ZNF786: variants seen among roughly 807,000 people sequenced by gnomAD.
The protein encoded by ZNF786 is zinc finger protein 786.
ZNF786 carries 56 observed loss-of-function variants against 63.1 expected under a neutral mutation model. The observed-to-expected ratio is 0.89, with a 90% CI of 0.72 to 1.11. ZNF786 has a LOEUF of 1.11. ZNF786 is among the 50% of genes least tolerant of loss of function. ZNF786 has a pLI of 0.00. For synonymous variants in ZNF786, 485 were observed against 406.9 expected (o/e 1.19, Z -2.31); for missense variants, 1,213 against 1,041.8 (o/e 1.16, Z -2.26).
In ZNF786 at chr7:149,070,251, C is replaced by T. The variant is rs1460143040; in HGVS notation, c.*172G>A. ...AAAGAAAGAAATATAATTGGTGATG[C>T]TTCTGAAGAGAAAATCCTTTGTGGT... On this transcript the variant is annotated 3_prime_UTR_variant, in exon 4 of 4. Transcript: ENST00000491431. The T allele has an allele frequency of 2.3e-5, 18 of 795,312 alleles. No homozygotes were observed. The Admixed American group carries it at 3.5e-4, about 16-fold the overall frequency. The allele number at this position is 795,312 out of a possible 1,614,324, so 49.3% of individuals were successfully genotyped here. A position where few individuals can be genotyped will look rare whatever the true frequency, so the allele number is the denominator to read the frequency against.
At chr7:149,080,301 A>C (rs889941368) in intron 2 of ZNF786, among the ~76,000 whole-genome samples, 1 of 152,156 alleles carries the variant, frequency 6.6e-6, no homozygotes, top group Non-Finnish European at 1.5e-5. Flanking sequence ...GTGTGCTCCT[A>C]TGTGGACAAT....
chr7:149,077,123 T>C (rs1424446540), intron 2 of ZNF786, among the ~76,000 whole-genome samples: 1 of 152,238 alleles, frequency 6.6e-6, no homozygotes, highest in Non-Finnish European at 1.5e-5. Context: ...AGTCTTGCTA[T>C]CTGATAAGAC....
rs780418818 is a variant in ZNF786 at position 149,071,518 on chromosome 7, C to T, written c.1254G>A (p.Ala418=). ...LRRLLQVHQH[A]HGGERPFSCR... ...AGGAGAACGGTCTCTCCCCACCGTG[C>T]GCGTGCTGGTGGACCTGCAGCAGGC... The change falls in exon 4 of 4, where the codon GCG becomes GCA. Residue 418 remains alanine (A), a synonymous_variant. Coordinates refer to ENST00000491431, the MANE Select transcript of ZNF786 (RefSeq NM_152411.4). 7 of 1,613,302 alleles carry T rather than the reference C, an allele frequency of 4.3e-6. No individual in the cohort carries two copies. Among genetic ancestry groups the T allele is most frequent in the Middle Eastern group, 1.6e-4 (1 of 6,062 alleles).
Position 149,071,409 on chromosome 7 carries a change from A to G in ZNF786, c.1363T>C (p.Cys455Arg). The change falls in exon 4 of 4, where the codon TGT (cysteine) becomes CGT (arginine). Residue 455 changes from cysteine to arginine, a missense_variant. Coordinates refer to ENST00000491431, the MANE Select transcript of ZNF786 (RefSeq NM_152411.4). Reference sequence around the variant, plus strand: ...CGGAAGTTCCTGCCACACTTGGCACACCGGAAAGGCTTCTCTCCGCTGTGG... The same window carrying G: ...CGGAAGTTCCTGCCACACTTGGCACGCCGGAAAGGCTTCTCTCCGCTGTGG... ...RVHSGEKPFR[C>R]AKCGRNFRQR... The G allele has an allele frequency of 6.2e-7, 1 of 1,612,858 alleles. No homozygotes were observed. The highest frequency in any genetic ancestry group is 1.7e-4 in the Middle Eastern group (1 of 6,054).
intron 2 of ZNF786, 70 bp from the exon 3 acceptor site, chr7:149,074,608 C>T (rs1825509581): frequency 3.4e-6 from 5 of 1,454,330 alleles, no homozygotes; most frequent in African/African-American, 2.9e-5. Context: ...CTAAATTTCT[C>T]AACATTCACT....
In ZNF786 at chr7:149,070,289, TA is replaced by T. The variant is rs370517770; in HGVS notation, c.*133del. 40 of 1,137,444 alleles carry T rather than the reference TA, an allele frequency of 3.5e-5. No individual in the cohort carries two copies. In the African/African-American group the frequency reaches 5.1e-4, roughly 15 times the overall value. The allele number at this position is 1,137,444 out of a possible 1,614,324, so 70.5% of individuals were successfully genotyped here. On this transcript the variant is annotated 3_prime_UTR_variant, in exon 4 of 4. Coordinates refer to ENST00000491431, the MANE Select transcript of ZNF786 (RefSeq NM_152411.4). ...AATCCTTTGTGGTTCTTCATATTCCTAACTTGCATGACACTCTTGCTCAAAG... is the reference window on the plus strand; with the variant it reads ...AATCCTTTGTGGTTCTTCATATTCCTACTTGCATGACACTCTTGCTCAAAG...
rs1372515602 is a variant in ZNF786, at chr7:149,086,721, T to C, written c.18+3902A>G. Among the ~76,000 whole-genome samples, 3 of 151,716 alleles carry C rather than the reference T, an allele frequency of 2.0e-5. 1 individual carries two copies. The highest frequency in any genetic ancestry group is 4.4e-5 in the Non-Finnish European group (3 of 67,946). ...AAGAAGCAAGACAGAAGGGGGGATG[T>C]CAGGCTCTTTTTAACCAGCTCCCTC... On this transcript the variant is annotated intron_variant, in intron 1 of 3. Transcript: ENST00000491431.
Position 149,073,745 on chromosome 7 carries a change from G to GTGTGTA in ZNF786, c.298+640_298+641insTACACA, listed in dbSNP as rs1447122638. Among the ~76,000 whole-genome samples the GTGTGTA allele has an allele frequency of 3.0e-3, 204 of 67,692 alleles. 2 individuals are homozygous for GTGTGTA. The highest frequency in any genetic ancestry group is 9.7e-3 in the African/African-American group (157 of 16,178). The allele number at this position is 67,692 out of a possible 152,430, so 44.4% of individuals were successfully genotyped here. A position where few individuals can be genotyped will look rare whatever the true frequency, so the allele number is the denominator to read the frequency against. On this transcript the variant is annotated intron_variant, in intron 3 of 3. Coordinates refer to ENST00000491431, the MANE Select transcript of ZNF786 (RefSeq NM_152411.4). ...TGTGCGTGTGTGTGTGTGTGTGTGT[G>GTGTGTA]TGTATATATATATATATATATATAT...
At chr7:149,089,174 G>C (rs1259151106) in intron 1 of ZNF786, among the ~76,000 whole-genome samples, 1 of 151,956 alleles carries the variant, frequency 6.6e-6, no homozygotes, top group Admixed American at 6.6e-5. Flanking sequence ...GGATGGTCTC[G>C]ATCTCCTGAT....
rs116980768 is a variant in ZNF786, at chr7:149,069,962, C to T, written c.*461G>A. On this transcript the variant is annotated 3_prime_UTR_variant, in exon 4 of 4. Coordinates refer to ENST00000491431, the MANE Select transcript of ZNF786 (RefSeq NM_152411.4). ...ACAATTACTTTTTAAAATGTCAGAA[C>T]TTCCTTATAATTACACACATATATT... 9.3e-3 allele frequency: 1,431 copies of T among 154,610 alleles called. 11 individuals are homozygous for T. The highest frequency in any genetic ancestry group is 0.014 in the Non-Finnish European group (976 of 69,654). The allele number at this position is 154,610 out of a possible 1,614,324, so 9.6% of individuals were successfully genotyped here. A position where few individuals can be genotyped will look rare whatever the true frequency, so the allele number is the denominator to read the frequency against.
intron 3 of ZNF786, among the ~76,000 whole-genome samples, chr7:149,073,925 G>A (rs1261890587): frequency 6.6e-6 from 1 of 150,546 alleles, no homozygotes; most frequent in Non-Finnish European, 1.5e-5. Context: ...TGAGTAGCTG[G>A]GATTACAGGC....
chr7:149,072,622 A>C, intron 3 of ZNF786, 149 bp from the exon 4 acceptor site: 1 of 895,222 alleles, frequency 1.1e-6, no homozygotes, highest in African/African-American at 1.7e-5. Context: ...GATCTGTCTC[A>C]TGGCCGTGAG....
chr7:149,085,356 C>T (rs889111423), intron 1 of ZNF786, among the ~76,000 whole-genome samples: 2 of 149,038 alleles, frequency 1.3e-5, no homozygotes, highest in African/African-American at 5.2e-5. Flanking sequence ...AAGTTGGGAG[C>T]CCAGGAGTTT....
chr7:149,073,724 CGTGTGT>C (rs375323153), intron 3 of ZNF786, among the ~76,000 whole-genome samples: 216 of 67,880 alleles, frequency 3.2e-3, no homozygotes, highest in African/African-American at 8.8e-3. Flanking sequence ...TATATGTGTG[CGTGTGT>C]GTGTGTGTGT....
intron 1 of ZNF786, among the ~76,000 whole-genome samples, chr7:149,088,256 A>G (rs573020068): frequency 2.0e-4 from 31 of 151,568 alleles, no homozygotes; most frequent in Admixed American, 5.3e-4. Flanking sequence ...GCCCACCTGG[A>G]CCTCCCAAAG....
chr7:149,073,781 G>A (rs10273011), intron 3 of ZNF786, among the ~76,000 whole-genome samples: 9,774 of 78,248 alleles, frequency 0.12, 478 homozygotes, highest in East Asian at 0.18. Context: ...ATATATATAT[G>A]TATATATATA....
chr7:149,072,009 G>C lies in ZNF786; in HGVS notation c.763C>G (p.Leu255Val). The C allele has an allele frequency of 1.2e-6, 2 of 1,613,074 alleles. No individual in the cohort carries two copies. Among genetic ancestry groups the C allele is most frequent in the Non-Finnish European group, 1.7e-6 (2 of 1,179,852 alleles). ...GTGTGGGCCGCCAGATGGCGCAGCA[G>C]ACACAGCTTCCGGCGGAAGCTCTTA... ...CGKSFRRKLC[L>V]LRHLAAHTGR... is the part of the protein sequence containing the mutation. The change falls in exon 4 of 4, where the codon CTG becomes GTG. Residue 255 changes from leucine (L) to valine (V), a missense_variant. Coordinates refer to ENST00000491431, the MANE Select transcript of ZNF786 (RefSeq NM_152411.4).
At chr7:149,090,011 G>A (rs754106828) in intron 1 of ZNF786, among the ~76,000 whole-genome samples, 3 of 152,124 alleles carry the variant, frequency 2.0e-5, no homozygotes, top group Non-Finnish European at 4.4e-5. Flanking sequence ...CACCGCGCCC[G>A]GCCTAATTCA....
At chr7:149,074,248 A>G (rs1180685276) in intron 3 of ZNF786, 138 bp downstream of exon 3, 1 of 1,027,532 alleles carries the variant, frequency 9.7e-7, no homozygotes. Context: ...ATTCCTAACC[A>G]TTATGCTTTA....
Sources: gnomAD v4.1 joint callset for allele counts (sites outside exome capture counted in the v4.1 genomes callset) on GRCh38, gnomAD v4.1.1 for gene constraint, MANE v1.5 for transcripts, NCBI Gene and HGNC (gene_info 2026-07-23, HGNC 2026-07-21) for gene names.